LUZP1: variants seen among roughly 807,000 people sequenced by gnomAD.
LUZP1 encodes the protein leucine zipper protein 1, also known as filamin mechanobinding actin cross-linking protein.
In LUZP1, 25 loss-of-function variants were observed where a neutral mutation model predicts 71.3. That is an observed-to-expected ratio of 0.35 (90% CI 0.26 to 0.49). The LOEUF (loss-of-function observed/expected upper bound fraction) is 0.49. LUZP1 is among the 20% of genes least tolerant of loss of function. The probability of loss-of-function intolerance (pLI) is 0.99; values close to 1 mark genes in which losing one functional copy is unlikely to be tolerated. For missense variants in LUZP1, 1,142 were observed against 1,300.8 expected, an observed-to-expected ratio of 0.88 and a Z score of 1.88; for synonymous variants, 481 against 506.4, an observed-to-expected ratio of 0.95 and a Z score of 0.67.
chr1:23,149,368 G>T (rs922715678), intron 2 of LUZP1, among the ~76,000 whole-genome samples: 13 of 152,088 alleles, frequency 8.5e-5, no homozygotes, highest in Non-Finnish European at 1.6e-4. Context: ...AGTCAGTACA[G>T]GCCACAAGAT....
intron 2 of LUZP1, among the ~76,000 whole-genome samples, chr1:23,157,772 T>C (rs918562488): frequency 1.4e-4 from 21 of 149,680 alleles, no homozygotes; most frequent in African/African-American, 4.7e-4. Context: ...GCATGAGCCA[T>C]AGAGGGAGAC....
At chr1:23,175,281 T>C (rs2806555) in intron 1 of LUZP1, among the ~76,000 whole-genome samples, 27,804 of 152,114 alleles carry the variant, frequency 0.18, 2,633 homozygotes, top group East Asian at 0.27. Flanking sequence ...TGGGTGGCTT[T>C]GGGCAAGTCA....
At chr1:23,133,002 G>C (rs1480292534) in intron 2 of LUZP1, among the ~76,000 whole-genome samples, 4 of 152,126 alleles carry the variant, frequency 2.6e-5, no homozygotes, top group Non-Finnish European at 5.9e-5. Context: ...ACTGACATAA[G>C]AAGTAAGGAA....
intron 2 of LUZP1, among the ~76,000 whole-genome samples, chr1:23,156,691 T>C (rs1644422830): frequency 2.0e-5 from 3 of 152,276 alleles, no homozygotes; most frequent in African/African-American, 2.4e-5. Context: ...AATGGCGCCA[T>C]CTTGGGAGGT....
intron 1 of LUZP1, among the ~76,000 whole-genome samples, chr1:23,173,956 G>T (rs1258278110): frequency 2.6e-5 from 4 of 151,964 alleles, no homozygotes; most frequent in Admixed American, 2.0e-4. Context: ...CCATGACAAG[G>T]CCAGGACAAA....
intron 1 of LUZP1, among the ~76,000 whole-genome samples, chr1:23,177,284 G>A (rs1423646843): frequency 1.3e-5 from 2 of 152,078 alleles, no homozygotes; most frequent in Non-Finnish European, 2.9e-5. Flanking sequence ...CAATTACAAG[G>A]GGTTCACAGA....
chr1:23,084,356 TC>T (rs1643725030), exon 5 of LUZP1: 1 of 152,170 alleles, frequency 6.6e-6, no homozygotes, highest in African/African-American at 2.4e-5. Context: ...CCTTCCTCCA[TC>T]CTCAGAGCAC....
chr1:23,165,979 T>A (rs1406256547), intron 2 of LUZP1, among the ~76,000 whole-genome samples: 1 of 146,128 alleles, frequency 6.8e-6, no homozygotes, highest in Admixed American at 7.0e-5. Flanking sequence ...AAGAAATAAG[T>A]AAGCACCTAG....
At position 23,171,099 on chromosome 1, in the gene LUZP1, A is replaced by ATAT. The variant is rs1553143579; in HGVS notation, c.-484-2076_-484-2075insATA. Among the ~76,000 whole-genome samples the ATAT allele has an allele frequency of 1.3e-3, 180 of 139,434 alleles. 5 individuals are homozygous for ATAT. The highest frequency in any genetic ancestry group is 9.5e-3 in the South Asian group (41 of 4,328). 91.5% of individuals were successfully genotyped at this position (139,434 alleles called of 152,430 possible). A position where few individuals can be genotyped will look rare whatever the true frequency, so the allele number is the denominator to read the frequency against. ...TCGAGACCCTGTCTCAAAAAAAAAA[A>ATAT]ATATATATATATATATATAATTACT... On this transcript the variant is annotated intron_variant, in intron 1 of 4. Coordinates refer to ENST00000302291, the Ensembl canonical transcript of LUZP1.
chr1:23,123,483 C>T (rs1030160061), intron 2 of LUZP1, among the ~76,000 whole-genome samples: 2 of 113,208 alleles, frequency 1.8e-5, no homozygotes, highest in Admixed American at 1.0e-4. Flanking sequence ...CAGAGTGAGA[C>T]TTTGTCTCCA....
chr1:23,101,642 G>T (rs1643932332), intron 3 of LUZP1, among the ~76,000 whole-genome samples: 1 of 152,174 alleles, frequency 6.6e-6, no homozygotes, highest in African/African-American at 2.4e-5. Context: ...GATTCACTAA[G>T]ATCATCCCTT....
At chr1:23,163,930 T>C (rs1644489598) in intron 2 of LUZP1, 1 of 152,300 alleles carries the variant, frequency 6.6e-6, no homozygotes, top group African/African-American at 2.4e-5. Context: ...CATAGAGTTA[T>C]TATTTTTTCA....
chr1:23,152,971 C>T (rs1198475870), intron 2 of LUZP1, among the ~76,000 whole-genome samples: 1 of 152,134 alleles, frequency 6.6e-6, no homozygotes, highest in East Asian at 1.9e-4. Flanking sequence ...TAAATTCATG[C>T]CTGCAGCATA....
chr1:23,164,473 C>T (rs180972172), intron 2 of LUZP1, among the ~76,000 whole-genome samples: 1 of 149,944 alleles, frequency 6.7e-6, no homozygotes, highest in East Asian at 2.0e-4. Context: ...GCCTGGGTGA[C>T]ACAGTGAGAC....
chr1:23,092,838 C>T, exon 4 of LUZP1: 1 of 1,613,928 alleles, frequency 6.2e-7, no homozygotes, highest in Non-Finnish European at 8.5e-7. Flanking sequence ...GGGGTAGCGA[C>T]TCAGCACTGA....
chr1:23,108,161 C>T (rs541292524), intron 3 of LUZP1, among the ~76,000 whole-genome samples: 47 of 152,272 alleles, frequency 3.1e-4, no homozygotes, highest in African/African-American at 1.1e-3. Flanking sequence ...CAACACCAAC[C>T]AATAAAATAT....
chr1:23,129,439 G>A (rs1413777514), intron 2 of LUZP1, among the ~76,000 whole-genome samples: 3 of 152,152 alleles, frequency 2.0e-5, no homozygotes, highest in Non-Finnish European at 4.4e-5. Context: ...AAATTACCCA[G>A]GCGTGGAGGC....
At chr1:23,120,031 C>T (rs940779096) in intron 2 of LUZP1, among the ~76,000 whole-genome samples, 14 of 151,626 alleles carry the variant, frequency 9.2e-5, no homozygotes, top group African/African-American at 3.2e-4. Flanking sequence ...AGTCTCAACC[C>T]CCTGGACTCA....
At chr1:23,163,452 A>C (rs1644485610) in intron 2 of LUZP1, among the ~76,000 whole-genome samples, 1 of 150,884 alleles carries the variant, frequency 6.6e-6, no homozygotes, top group Non-Finnish European at 1.5e-5. Context: ...AGCTAATCGG[A>C]GGCTGAGGAA....
Sources: gnomAD v4.1 joint callset for allele counts (sites outside exome capture counted in the v4.1 genomes callset) on GRCh38, gnomAD v4.1.1 for gene constraint, MANE v1.5 for transcripts, NCBI Gene and HGNC (gene_info 2026-07-23, HGNC 2026-07-21) for gene names.